Variants in SLC26A6 observed in about 807,000 individuals in gnomAD.
SLC26A6 encodes the protein solute carrier family 26 member 6.
A neutral mutation model predicts 87.1 loss-of-function variants in SLC26A6; 67 were observed. The observed-to-expected ratio is 0.77, with a 90% CI of 0.63 to 0.94. The LOEUF (loss-of-function observed/expected upper bound fraction) is 0.94, where lower values mean the gene tolerates loss of function less well. SLC26A6 is among the 40% of genes least tolerant of loss of function. The pLI is 0.00. For synonymous variants in SLC26A6, 414 were observed against 405.9 expected (o/e 1.02, Z -0.24); for missense variants, 902 against 973.0 (o/e 0.93, Z 0.97).
intron 7 of SLC26A6, 159 bp from the exon 8 acceptor site, chr3:48,631,465 T>C: frequency 1.8e-6 from 2 of 1,096,958 alleles, no homozygotes; most frequent in East Asian, 2.6e-5. Flanking sequence ...ATTTCGGCTA[T>C]GGGGAGATGC....
At position 48,632,329 on chromosome 3, in the gene SLC26A6, G is replaced by C. The variant is rs146756914; in HGVS notation, c.501C>G (p.Asn167Lys). 2.4e-5 allele frequency: 39 copies of C among 1,613,030 alleles called. No individual in the cohort carries two copies. Among genetic ancestry groups the C allele is most frequent in the Non-Finnish European group, 3.0e-5 (35 of 1,179,806 alleles). ...TGGCTGTCTCATTGATCATGGAGTC[G>C]TTCAAGGCCTGCGGGGCCAGGGATT... ...VTESLAPQAL[N>K]DSMINETARD... The change falls in exon 5 of 21, where the codon AAC becomes AAG. Residue 167 changes from asparagine to lysine, a missense_variant. Asn to Lys is a moderately conservative substitution (Grantham distance 94, BLOSUM62 0). Transcript: ENST00000395550.
Position 48,630,056 on chromosome 3 carries a change from A to G in SLC26A6, c.1422+6T>C. 1 of 1,613,448 alleles carries G rather than the reference A, an allele frequency of 6.2e-7. No homozygotes were observed. The highest frequency in any genetic ancestry group is 8.5e-7 in the Non-Finnish European group (1 of 1,179,672). ...AGTCCCTGCCCTGGGCTCCCAGTGC[A>G]CTCACCAGATCCGCCCGATTGGCCT... is the stretch of plus-strand genomic sequence containing the variant. On this transcript the variant is annotated splice_donor_region_variant and intron_variant, in intron 12 of 20. Coordinates refer to ENST00000395550, the MANE Select transcript of SLC26A6 (RefSeq NM_022911.3).
chr3:48,631,055 T>C lies in SLC26A6; in HGVS notation c.1072A>G (p.Ile358Val), dbSNP rs749231245. The C allele has an allele frequency of 3.1e-6, 5 of 1,613,816 alleles. No homozygotes were observed. In the South Asian group the frequency reaches 3.3e-5, roughly 11 times the overall value. ...AFTIAVVGFA[I>V]AISLGKIFAL... ...AAGATCTTCCCCAGTGAGATGGCAATGGCAAACCCAACCACAGCGATGGTG... is the reference window on the plus strand; with the variant it reads ...AAGATCTTCCCCAGTGAGATGGCAACGGCAAACCCAACCACAGCGATGGTG... Residue 358 changes from isoleucine (I) to valine (V), a missense_variant, in exon 9 of 21, where the codon ATT becomes GTT. Physicochemically the swap from Ile to Val is conservative, Grantham distance 29. This residue lies in a region of SLC26A6 where 800 missense variants were observed against 856.8 expected (regional missense o/e 0.93). Transcript: ENST00000395550.
Position 48,628,418 on chromosome 3 carries a change from A to C in SLC26A6, c.1800+16T>G. 6.2e-7 allele frequency: 1 copy of C among 1,613,616 alleles called. No homozygotes were observed. Among genetic ancestry groups the C allele is most frequent in the Non-Finnish European group, 8.5e-7 (1 of 1,179,960 alleles). On this transcript the variant is annotated intron_variant, in intron 16 of 20. Transcript: ENST00000395550. The surrounding 1 kb of genome is among the most constrained non-coding windows in gnomAD (Gnocchi z 4.4). The stretch of plus-strand genomic sequence containing the variant: ...GGGGGCAGGAGATGGGGGTCACCAG[A>C]CAAAAGGGGCCCTGCCTGTTTCCGA...
chr3:48,632,248 G>C lies in SLC26A6; in HGVS notation c.582C>G (p.Phe194Leu), dbSNP rs1431048427. Reference sequence around the variant, plus strand: ...CATACTCCTGACTGTTCCACACCTGGAAGAGGCCAACCAGGACACTGAGTG... The same window carrying C: ...CATACTCCTGACTGTTCCACACCTGCAAGAGGCCAACCAGGACACTGAGTG... ...ASTLSVLVGL[F>L]QVGLGLIHFG... Residue 194 changes from phenylalanine to leucine, a missense_variant, in exon 5 of 21, where the codon TTC becomes TTG. Physicochemically the swap from Phe to Leu is conservative, Grantham distance 22. This residue lies in a region of SLC26A6 where 800 missense variants were observed against 856.8 expected (regional missense o/e 0.93). Coordinates refer to ENST00000395550, the MANE Select transcript of SLC26A6 (RefSeq NM_022911.3). 2 of 1,598,008 alleles carry C rather than the reference G, an allele frequency of 1.3e-6. No homozygotes were observed. The highest frequency in any genetic ancestry group is 1.7e-6 in the Non-Finnish European group (2 of 1,171,790).
At position 48,629,910 on chromosome 3, in the gene SLC26A6, G is replaced by A. The variant is rs2046733491; in HGVS notation, c.1491C>T (p.Val497=). 1.2e-6 allele frequency: 2 copies of A among 1,613,970 alleles called. No homozygotes were observed. The highest frequency in any genetic ancestry group is 2.7e-5 in the African/African-American group (2 of 74,916). ...CCACCACGAGCAGCAGGGAGAAGAT[G>A]ACCGCAACCACCAAGCCAAGGTCCA... ...LNLDLGLVVA[V]IFSLLLVVVR... The change falls in exon 13 of 21, where the codon GTC becomes GTT. Residue 497 remains valine (V), a synonymous_variant. Coordinates refer to ENST00000395550, the MANE Select transcript of SLC26A6 (RefSeq NM_022911.3).
chr3:48,630,825 G>A (rs1211495178), intron 9 of SLC26A6, 105 bp from the exon 10 acceptor site: 2 of 1,496,150 alleles, frequency 1.3e-6, no homozygotes, highest in East Asian at 2.3e-5. Flanking sequence ...CCACCAAGTG[G>A]CCCCCAGAGA....
intron 7 of SLC26A6, 30 bp from the exon 8 acceptor site, chr3:48,631,336 G>T: frequency 6.5e-7 from 1 of 1,536,864 alleles, no homozygotes; most frequent in South Asian, 1.3e-5. Context: ...CAGGGAGGCA[G>T]GTGCTGGCAC....
rs1459946007 is a variant in SLC26A6, at chr3:48,630,734, G to A, written c.1135-14C>T. 1 of 1,585,880 alleles carries A rather than the reference G, an allele frequency of 6.3e-7. No homozygotes were observed. The highest frequency in any genetic ancestry group is 8.6e-7 in the Non-Finnish European group (1 of 1,164,864). ...GGCCACCAGCTCCTGACGGGGGACA[G>A]TACGGGTGTGAGAAGACTTCCTAGA... On this transcript the variant is annotated splice_polypyrimidine_tract_variant and intron_variant, in intron 9 of 20. Coordinates refer to ENST00000395550, the MANE Select transcript of SLC26A6 (RefSeq NM_022911.3).
chr3:48,628,800 C>G lies in SLC26A6; in HGVS notation c.1600-86G>C. The G allele has an allele frequency of 7.5e-6, 11 of 1,461,204 alleles. No homozygotes were observed. In the South Asian group the frequency reaches 1.3e-4, roughly 18 times the overall value. The allele number at this position is 1,461,204 out of a possible 1,614,324, so 90.5% of individuals were successfully genotyped here. A position where few individuals can be genotyped will look rare whatever the true frequency, so the allele number is the denominator to read the frequency against. On this transcript the variant is annotated intron_variant, in intron 14 of 20. Coordinates refer to ENST00000395550, the MANE Select transcript of SLC26A6 (RefSeq NM_022911.3). This position sits in a 1 kb window ranked among gnomAD's most constrained non-coding sequence, Gnocchi z 4.4. ...TCCTGCCTTTCCTTCCCTAGTGTGC[C>G]CAGTGCCTGCCACCGCCCAGCCCTC...
At chr3:48,629,744 G>A (rs770716474) in intron 13 of SLC26A6, 33 bp from the exon 14 acceptor site, 3 of 1,610,864 alleles carry the variant, frequency 1.9e-6, no homozygotes, top group Non-Finnish European at 2.5e-6. Context: ...ACGAAGAGGG[G>A]GCAGAAAAAG....
rs2046826743 is a variant in SLC26A6, at chr3:48,632,296, A to G, written c.534T>C (p.Ala178=). 3 of 1,612,984 alleles carry G rather than the reference A, an allele frequency of 1.9e-6. No homozygotes were observed. Among genetic ancestry groups the G allele is most frequent in the Non-Finnish European group, 2.5e-6 (3 of 1,179,658 alleles). Reference sequence around the variant, plus strand: ...GTGTGGAGGCCACCTGTACCCGGGCAGCATCTCTGGCTGTCTCATTGATCA... The same window carrying G: ...GTGTGGAGGCCACCTGTACCCGGGCGGCATCTCTGGCTGTCTCATTGATCA... The part of the protein sequence containing the change: ...DSMINETARD[A]ARVQVASTLS... The change falls in exon 5 of 21, where the codon GCT becomes GCC. Residue 178 remains alanine, a synonymous_variant. Transcript: ENST00000395550.
intron 17 of SLC26A6, 71 bp from the exon 18 acceptor site, chr3:48,627,126 G>A (rs535275087): frequency 2.8e-5 from 43 of 1,542,478 alleles, no homozygotes; most frequent in Non-Finnish European, 3.5e-5. Context: ...ACACAGACAC[G>A]CGAGAACACG....
In SLC26A6 at chr3:48,632,150, G is replaced by C. The variant is rs560124081; in HGVS notation, c.585+95C>G. 1,436 of 1,578,536 alleles carry C rather than the reference G, an allele frequency of 9.1e-4. 11 individuals are homozygous for C. Among genetic ancestry groups the C allele is most frequent in the Middle Eastern group, 1.4e-3 (8 of 5,798 alleles). ...GGGGGATGAGTAGACGGCAAGAGGA[G>C]GACGACGATGGTCAGACACTCAGGG... On this transcript the variant is annotated intron_variant, in intron 5 of 20. Coordinates refer to ENST00000395550, the MANE Select transcript of SLC26A6 (RefSeq NM_022911.3).
At chr3:48,630,191 AG>A in intron 11 of SLC26A6, 34 bp from the exon 12 acceptor site, 1 of 1,595,354 alleles carries the variant, frequency 6.3e-7, no homozygotes, top group Non-Finnish European at 8.6e-7. Context: ...GGGGCCATTG[AG>A]GGCACCCGAT....
At position 48,630,619 on chromosome 3, in the gene SLC26A6, C is replaced by T. The variant is rs1351304670; in HGVS notation, c.1236G>A (p.Gly412=). 2 of 1,582,438 alleles carry T rather than the reference C, an allele frequency of 1.3e-6. No individual in the cohort carries two copies. The highest frequency in any genetic ancestry group is 1.7e-6 in the Non-Finnish European group (2 of 1,162,734). ...MSRSLVQEST[G]GNSQVAGAIS... ...ACCCAAAGCCCACCTGCGAGTTGCC[C>T]CCGGTGCTCTCCTGTACCAGGCTCC... The change falls in exon 10 of 21, where the codon GGG becomes GGA. Residue 412 remains glycine (G), a synonymous_variant. Transcript: ENST00000395550.
chr3:48,633,904 C>T (rs1162835037), intron 1 of SLC26A6: 27 of 1,337,866 alleles, frequency 2.0e-5, no homozygotes, highest in Admixed American at 3.4e-5. Flanking sequence ...TACCTCCAGC[C>T]GAGATGTGGC....
In SLC26A6 at chr3:48,629,704, A is replaced by G. The variant is rs763320597; in HGVS notation, c.1537T>C (p.Tyr513His). Residue 513 changes from tyrosine to histidine, a missense_variant, in exon 14 of 21, where the codon TAC (tyrosine) becomes CAC (histidine). Around this residue, in one of 3 missense-constraint regions of SLC26A6, gnomAD observed 800 missense variants for 856.8 expected, o/e 0.93. Transcript: ENST00000395550. ...TCTGGCACCTGCCCCAGGACAGAGTAGTGGGGCCTGTGAAGGAGAGAGAGA... is the reference window on the plus strand; with the variant it reads ...TCTGGCACCTGCCCCAGGACAGAGTGGTGGGGCCTGTGAAGGAGAGAGAGA... ...LVVVRTQMPH[Y>H]SVLGQVPDTD... 2 of 1,613,454 alleles carry G rather than the reference A, an allele frequency of 1.2e-6. No individual in the cohort carries two copies. The highest frequency in any genetic ancestry group is 2.2e-5 in the East Asian group (1 of 44,882).
chr3:48,626,417 C>A, intron 19 of SLC26A6, 63 bp from the exon 20 acceptor site: 1 of 1,608,984 alleles, frequency 6.2e-7, no homozygotes, highest in Admixed American at 1.7e-5. Context: ...CTCCCGGGAG[C>A]CAACAGAATG....
Sources: allele counts gnomAD v4.1 joint callset, GRCh38; gene constraint gnomAD v4.1.1; regional missense constraint gnomAD v4.1.1; non-coding constraint Gnocchi (gnomAD v3.1); transcripts MANE v1.5; gene names NCBI Gene and HGNC (gene_info 2026-07-23, HGNC 2026-07-21).